Variants in SNX29 observed in about 807,000 individuals in gnomAD.
SNX29 encodes the protein sorting nexin-29.
SNX29 carries 78 observed loss-of-function variants against 102.1 expected under a neutral mutation model. The observed-to-expected ratio is 0.76, with a 90% CI of 0.64 to 0.92. SNX29 has a LOEUF of 0.92. SNX29 is among the 40% of genes least tolerant of loss of function. SNX29 has a pLI of 0.00. For missense variants in SNX29, 1,280 were observed against 1,061.7 expected, an observed-to-expected ratio of 1.21 and a Z score of -2.86; for synonymous variants, 580 against 414.5, an observed-to-expected ratio of 1.40 and a Z score of -4.85.
intron 19 of SNX29, among the ~76,000 whole-genome samples, chr16:12,496,071 G>A (rs1420159495): frequency 6.6e-6 from 1 of 152,164 alleles, no homozygotes; most frequent in Admixed American, 6.5e-5. Context: ...GCAGGTTTCA[G>A]TGAGCGCAGA....
chr16:12,555,007 G>A (rs1012562618), intron 20 of SNX29, among the ~76,000 whole-genome samples: 1 of 152,054 alleles, frequency 6.6e-6, no homozygotes, highest in Non-Finnish European at 1.5e-5. Flanking sequence ...TTCTTGCAGA[G>A]GCAGGCAGGA....
At chr16:11,986,408 A>C (rs2055629193) in intron 1 of SNX29, among the ~76,000 whole-genome samples, 1 of 151,038 alleles carries the variant, frequency 6.6e-6, no homozygotes, top group Non-Finnish European at 1.5e-5. Flanking sequence ...ACCCAAAATG[A>C]CATTAAAAAC....
At chr16:12,311,240 T>G (rs145229510) in intron 15 of SNX29, among the ~76,000 whole-genome samples, 244 of 152,300 alleles carry the variant, frequency 1.6e-3, no homozygotes, top group African/African-American at 5.8e-3. Context: ...TTCTAACCTT[T>G]CAGTGCCTCT....
chr16:12,214,482 A>G (rs1033801642), intron 14 of SNX29, among the ~76,000 whole-genome samples: 7 of 152,154 alleles, frequency 4.6e-5, no homozygotes, highest in Non-Finnish European at 8.8e-5. Flanking sequence ...TAAGTTTCTA[A>G]TTGCAGCTTT....
At chr16:12,516,502 G>A (rs531905847) in intron 19 of SNX29, among the ~76,000 whole-genome samples, 153 of 146,006 alleles carry the variant, frequency 1.0e-3, no homozygotes, top group Non-Finnish European at 1.7e-3. Flanking sequence ...AAAAAAAAAG[G>A]TGCAGGATGG....
intron 20 of SNX29, among the ~76,000 whole-genome samples, chr16:12,543,360 C>G (rs1204791851): frequency 6.6e-6 from 1 of 152,160 alleles, no homozygotes; most frequent in Non-Finnish European, 1.5e-5. Flanking sequence ...TTCAGCCCAC[C>G]TAAGCTCATG....
intron 11 of SNX29, among the ~76,000 whole-genome samples, chr16:12,106,671 G>A (rs2053262910): frequency 6.7e-6 from 1 of 149,306 alleles, no homozygotes; most frequent in African/African-American, 2.5e-5. Context: ...GGTAGAGACA[G>A]GGTCTCACTG....
chr16:12,245,319 G>C (rs1417330667), intron 14 of SNX29, among the ~76,000 whole-genome samples: 2 of 152,100 alleles, frequency 1.3e-5, no homozygotes, highest in Non-Finnish European at 2.9e-5. Flanking sequence ...CAAGTTTGTT[G>C]AGGTGTTACG....
intron 13 of SNX29, chr16:12,135,519 C>T (rs1255919324): frequency 7.6e-7 from 1 of 1,318,672 alleles, no homozygotes; most frequent in South Asian, 1.2e-5. Context: ...GAGGATGGTG[C>T]CAGCCAGTTC....
At chr16:12,557,592 C>A (rs1206900035) in intron 20 of SNX29, 1 of 152,172 alleles carries the variant, frequency 6.6e-6, no homozygotes, top group African/African-American at 2.4e-5. Flanking sequence ...GAACTCCTGA[C>A]CTCAAATGAC....
At chr16:12,512,052 CGGATGGGAT>C (rs997495088) in intron 19 of SNX29, among the ~76,000 whole-genome samples, 1 of 151,780 alleles carries the variant, frequency 6.6e-6, no homozygotes, top group African/African-American at 2.4e-5. Context: ...GGCCTTGCAG[CGGATGGGAT>C]GGGGGAGAGT....
intron 14 of SNX29, among the ~76,000 whole-genome samples, chr16:12,232,421 GAGGCAC>G (rs2077797125): frequency 6.6e-6 from 1 of 152,232 alleles, no homozygotes; most frequent in African/African-American, 2.4e-5. Flanking sequence ...TTCGGAGACT[GAGGCAC>G]AAGAATCGCT....
At chr16:12,202,983 G>C (rs879149606) in intron 14 of SNX29, among the ~76,000 whole-genome samples, 1 of 150,464 alleles carries the variant, frequency 6.6e-6, no homozygotes, top group African/African-American at 2.4e-5. Context: ...GCATGGCCCC[G>C]CTGTCAGGTG....
chr16:12,309,890 C>G (rs137901501), intron 15 of SNX29, among the ~76,000 whole-genome samples: 1,960 of 152,316 alleles, frequency 0.013, 19 homozygotes, highest in Non-Finnish European at 0.02. Context: ...TGTATCCCCT[C>G]AACTCTGCAG....
At chr16:12,091,571 G>T (rs1280866934) in intron 11 of SNX29, among the ~76,000 whole-genome samples, 7 of 151,780 alleles carry the variant, frequency 4.6e-5, no homozygotes, top group African/African-American at 1.5e-4. Context: ...AGGATTGCTT[G>T]ATCCCAGAAC....
intron 13 of SNX29, among the ~76,000 whole-genome samples, chr16:12,189,422 G>T (rs554513635): frequency 1.1e-4 from 17 of 152,314 alleles, no homozygotes; most frequent in African/African-American, 3.8e-4. Context: ...TTATTGTGCA[G>T]AATGTCCGTG....
chr16:12,171,964 A>G (rs1398714131), intron 13 of SNX29, among the ~76,000 whole-genome samples: 2 of 152,150 alleles, frequency 1.3e-5, no homozygotes, highest in African/African-American at 4.8e-5. Context: ...ATTGACGAGG[A>G]TGCGGTGAGA....
At chr16:12,486,411 T>C (rs2088234830) in intron 19 of SNX29, among the ~76,000 whole-genome samples, 1 of 151,472 alleles carries the variant, frequency 6.6e-6, no homozygotes, top group African/African-American at 2.4e-5. Context: ...TCATCCTGCC[T>C]ACCGTACACC....
intron 10 of SNX29, among the ~76,000 whole-genome samples, chr16:12,072,987 T>C (rs2051370289): frequency 6.6e-6 from 1 of 152,214 alleles, no homozygotes; most frequent in Non-Finnish European, 1.5e-5. Context: ...TGATGGTAGT[T>C]TGTATTTCTG....
Sources: gnomAD v4.1 joint callset for allele counts (sites outside exome capture counted in the v4.1 genomes callset) on GRCh38, gnomAD v4.1.1 for gene constraint, MANE v1.5 for transcripts, NCBI Gene and HGNC (gene_info 2026-07-23, HGNC 2026-07-21) for gene names.